Variants in GALNT7 observed in about 807,000 individuals in gnomAD.
GALNT7 encodes polypeptide N-acetylgalactosaminyltransferase 7, also known as N-acetylgalactosaminyltransferase 7.
Under a neutral mutation model 82.1 loss-of-function variants are expected in GALNT7, and 60 were observed. That is an observed-to-expected ratio of 0.73 (90% CI 0.59 to 0.91). GALNT7 has a LOEUF of 0.91. GALNT7 is among the 40% of genes least tolerant of loss of function. The probability of loss-of-function intolerance (pLI) is 0.00; values close to 1 mark genes in which losing one functional copy is unlikely to be tolerated. For synonymous variants in GALNT7, 243 were observed against 275.1 expected, an observed-to-expected ratio of 0.88 and a Z score of 1.15; for missense variants, 660 against 804.2, an observed-to-expected ratio of 0.82 and a Z score of 2.17.
intron 1 of GALNT7, among the ~76,000 whole-genome samples, chr4:173,180,011 T>C (rs146656636): frequency 3.2e-4 from 49 of 152,290 alleles, no homozygotes; most frequent in African/African-American, 9.4e-4. Flanking sequence ...AAATTAAAAC[T>C]ATCAGTATAC....
At chr4:173,259,322 T>G (rs1417984561) in intron 2 of GALNT7, among the ~76,000 whole-genome samples, 1 of 152,170 alleles carries the variant, frequency 6.6e-6, no homozygotes, top group African/African-American at 2.4e-5. Flanking sequence ...GGGGGTTACA[T>G]GCAGGTTCAC....
chr4:173,315,180 C>A (rs1236899416), intron 9 of GALNT7, among the ~76,000 whole-genome samples: 3 of 152,112 alleles, frequency 2.0e-5, no homozygotes, highest in African/African-American at 7.2e-5. Flanking sequence ...GGGAAGCTGA[C>A]CAACTGCGGA....
intron 6 of GALNT7, among the ~76,000 whole-genome samples, chr4:173,301,077 G>A (rs542139483): frequency 2.8e-4 from 42 of 152,126 alleles, no homozygotes; most frequent in African/African-American, 8.2e-4. Flanking sequence ...CAAGACTGCA[G>A]TGAGCCGCAA....
At chr4:173,204,534 T>C (rs1370134688) in intron 1 of GALNT7, among the ~76,000 whole-genome samples, 2 of 152,218 alleles carry the variant, frequency 1.3e-5, no homozygotes, top group Non-Finnish European at 2.9e-5. Context: ...TCTGTATATT[T>C]TCAAATAACC....
intron 2 of GALNT7, among the ~76,000 whole-genome samples, chr4:173,258,548 A>G (rs1256519391): frequency 6.6e-6 from 1 of 152,218 alleles, no homozygotes; most frequent in Non-Finnish European, 1.5e-5. Context: ...CAGTGACAGT[A>G]AGGATCAGCA....
At chr4:173,289,576 G>T (rs2126824759) in intron 2 of GALNT7, among the ~76,000 whole-genome samples, 1 of 152,288 alleles carries the variant, frequency 6.6e-6, no homozygotes, top group South Asian at 2.1e-4. Flanking sequence ...CTTATCTTAT[G>T]CAGCTGTGGG....
intron 2 of GALNT7, among the ~76,000 whole-genome samples, chr4:173,250,483 G>A (rs1734808062): frequency 6.6e-6 from 1 of 152,022 alleles, no homozygotes; most frequent in African/African-American, 2.4e-5. Flanking sequence ...AAGGCCCCTT[G>A]GTTCTGCCAC....
intron 2 of GALNT7, among the ~76,000 whole-genome samples, chr4:173,253,854 G>A (rs564253427): frequency 1.3e-3 from 199 of 152,254 alleles, no homozygotes; most frequent in African/African-American, 4.5e-3. Context: ...TTCTGTTTGT[G>A]GATAGGTTAG....
At chr4:173,227,442 C>G (rs1733868312) in intron 1 of GALNT7, among the ~76,000 whole-genome samples, 1 of 152,206 alleles carries the variant, frequency 6.6e-6, no homozygotes, top group Non-Finnish European at 1.5e-5. Flanking sequence ...CGCCATTCTC[C>G]TGCCTCAGCC....
At chr4:173,314,268 TG>T (rs1447142945) in intron 9 of GALNT7, 92 bp downstream of exon 9, 2 of 892,442 alleles carry the variant, frequency 2.2e-6, no homozygotes, top group African/African-American at 1.7e-5. Context: ...GAAGTATTCT[TG>T]GGGAAAAGTT....
In GALNT7 at chr4:173,188,686, C is replaced by G. The variant is rs34335674; in HGVS notation, c.126+19725C>G. Reference sequence around the variant, plus strand: ...CTGCTCGCTGAATTCTGCCTTGAGGCCTTCCTTTCATGTTCATGTGCAGCA... The same window carrying G: ...CTGCTCGCTGAATTCTGCCTTGAGGGCTTCCTTTCATGTTCATGTGCAGCA... On this transcript the variant is annotated intron_variant, in intron 1 of 11. Transcript: ENST00000265000. Among the ~76,000 whole-genome samples, 1,249 of 152,234 alleles carry G rather than the reference C, an allele frequency of 8.2e-3. 5 individuals carry two copies. The highest frequency in any genetic ancestry group is 0.015 in the Non-Finnish European group (995 of 68,022).
At chr4:173,252,229 TTCC>T (rs1734871605) in intron 2 of GALNT7, among the ~76,000 whole-genome samples, 1 of 152,210 alleles carries the variant, frequency 6.6e-6, no homozygotes, top group Non-Finnish European at 1.5e-5. Context: ...GGATGCACCC[TTCC>T]TCATCCTCAT....
rs1464760659 is a variant in GALNT7 at position 173,321,626 on chromosome 4, G to T, written c.1883G>T (p.Arg628Leu). The change falls in exon 12 of 12, where the codon CGC becomes CTC. Residue 628 changes from arginine to leucine, a missense_variant. By Grantham distance (102) the Arg-to-Leu change is moderately radical. This residue lies in a region of GALNT7 where 527 missense variants were observed against 683.5 expected (regional missense o/e 0.77). Coordinates refer to ENST00000265000, the MANE Select transcript of GALNT7 (RefSeq NM_017423.3). ...ATTCCTTCAGGAAAGTGTTTAGATC[G>T]CTCAGAGGTCCTGCATCAAGTATTC... ...THIPSGKCLD[R>L]SEVLHQVFIS... The T allele has an allele frequency of 1.2e-6, 2 of 1,605,034 alleles. No individual in the cohort carries two copies. The highest frequency in any genetic ancestry group is 2.7e-5 in the African/African-American group (2 of 74,692).
intron 1 of GALNT7, among the ~76,000 whole-genome samples, chr4:173,212,420 A>G (rs896123530): frequency 6.6e-6 from 1 of 152,156 alleles, no homozygotes; most frequent in African/African-American, 2.4e-5. Context: ...TAAAGGTCCA[A>G]AACGTTTAAA....
intron 2 of GALNT7, among the ~76,000 whole-genome samples, chr4:173,270,631 G>A (rs1477471207): frequency 6.6e-6 from 1 of 152,136 alleles, no homozygotes. Context: ...TCCTCCACAT[G>A]AAATGCTTTA....
chr4:173,272,262 A>G (rs1004550782), intron 2 of GALNT7, among the ~76,000 whole-genome samples: 1 of 152,130 alleles, frequency 6.6e-6, no homozygotes, highest in African/African-American at 2.4e-5. Context: ...TATATGGACT[A>G]TCTGTAGACC....
intron 2 of GALNT7, among the ~76,000 whole-genome samples, chr4:173,262,268 A>G (rs1735301800): frequency 1.3e-5 from 2 of 152,218 alleles, no homozygotes; most frequent in Non-Finnish European, 2.9e-5. Context: ...AGTAGCTGCA[A>G]TATAGAATCT....
At chr4:173,174,400 T>C (rs1272364744) in intron 1 of GALNT7, among the ~76,000 whole-genome samples, 2 of 152,276 alleles carry the variant, frequency 1.3e-5, no homozygotes, top group Non-Finnish European at 2.9e-5. Flanking sequence ...TTCCTCCATC[T>C]TTCCTGGTGC....
At chr4:173,310,474 A>G (rs946774405) in intron 8 of GALNT7, among the ~76,000 whole-genome samples, 1 of 151,860 alleles carries the variant, frequency 6.6e-6, no homozygotes, top group African/African-American at 2.4e-5. Flanking sequence ...CCTTCAGTCT[A>G]CCCTCCACTC....
Sources: gnomAD v4.1 joint callset for allele counts (sites outside exome capture counted in the v4.1 genomes callset) on GRCh38, gnomAD v4.1.1 for gene constraint, gnomAD v4.1.1 regional missense constraint, MANE v1.5 for transcripts, NCBI Gene and HGNC (gene_info 2026-07-23, HGNC 2026-07-21) for gene names.